FAM184A: variants seen among roughly 807,000 people sequenced by gnomAD.
FAM184A encodes family with sequence similarity 184 member A, also known as protein FAM184A.
A neutral mutation model predicts 143.8 loss-of-function variants in FAM184A; 99 were observed. The ratio of observed to expected loss-of-function variants is 0.69; its 90% CI spans 0.58 to 0.81. FAM184A has a LOEUF of 0.81. Ranked by LOEUF, FAM184A falls within the 40% of genes least tolerant of loss-of-function variation. The pLI is 0.00. For missense variants in FAM184A, 1,217 were observed against 1,310.5 expected (o/e 0.93, Z 1.10); for synonymous variants, 427 against 446.4 (o/e 0.96, Z 0.55).
chr6:119,139,304 G>A (rs79652186), intron 1 of FAM184A, among the ~76,000 whole-genome samples: 1 of 152,154 alleles, frequency 6.6e-6, no homozygotes. Context: ...TTATTAGAAA[G>A]TCAAGTGTCA....
intron 9 of FAM184A, among the ~76,000 whole-genome samples, chr6:118,993,522 G>T (rs1486963459): frequency 6.6e-6 from 1 of 152,048 alleles, no homozygotes; most frequent in Non-Finnish European, 1.5e-5. Context: ...GCTTTTAGAG[G>T]ACAGAAGCCT....
chr6:119,101,424 A>T (rs530168113), intron 1 of FAM184A, among the ~76,000 whole-genome samples: 2 of 152,272 alleles, frequency 1.3e-5, no homozygotes, highest in East Asian at 3.9e-4. Context: ...AGTCCTTGAG[A>T]TAAATATTAT....
intron 16 of FAM184A, 105 bp from the exon 17 acceptor site, chr6:118,962,068 T>G (rs1457343054): frequency 9.5e-7 from 1 of 1,056,846 alleles, no homozygotes; most frequent in Non-Finnish European, 1.4e-6. Flanking sequence ...TTTGGAAGCT[T>G]TATGTTAAAT....
At position 119,028,987 on chromosome 6, in the gene FAM184A, T is replaced by C. The variant is rs376670839; in HGVS notation, c.160-4174A>G. Among the ~76,000 whole-genome samples, 3 of 152,216 alleles carry C rather than the reference T, an allele frequency of 2.0e-5. No individual in the cohort carries two copies. In the East Asian group the frequency reaches 5.8e-4, roughly 29 times the overall value. ...TTTGGTGACCAGAGGTGAGGTGTTA[T>C]GTGTTCTATCCAGTGTAAGGGTAGG... On this transcript the variant is annotated intron_variant, in intron 1 of 17. Transcript: ENST00000338891.
intron 6 of FAM184A, among the ~76,000 whole-genome samples, chr6:119,007,084 G>A (rs1784943493): frequency 6.6e-6 from 1 of 152,146 alleles, no homozygotes; most frequent in Non-Finnish European, 1.5e-5. Context: ...ACTAGAGTAA[G>A]TTATGATTCC....
At chr6:119,013,107 TAA>T (rs11324138) in intron 5 of FAM184A, among the ~76,000 whole-genome samples, 7 of 150,500 alleles carry the variant, frequency 4.7e-5, no homozygotes, top group Admixed American at 6.6e-5. Context: ...GTTACTCTGA[TAA>T]AAAAAAAAAG....
At chr6:119,143,146 G>A (rs1280360913) in intron 1 of FAM184A, among the ~76,000 whole-genome samples, 1 of 152,152 alleles carries the variant, frequency 6.6e-6, no homozygotes, top group East Asian at 1.9e-4. Context: ...AAGGTACCCT[G>A]TTTTTGGTAC....
intron 1 of FAM184A, among the ~76,000 whole-genome samples, chr6:119,027,723 C>G (rs1785707166): frequency 6.6e-6 from 1 of 152,146 alleles, no homozygotes; most frequent in South Asian, 2.1e-4. Flanking sequence ...AACATACATC[C>G]TTGAGTTGTC....
intron 1 of FAM184A, among the ~76,000 whole-genome samples, chr6:119,132,796 G>T (rs1789568927): frequency 6.6e-6 from 1 of 152,200 alleles, no homozygotes; most frequent in Admixed American, 6.5e-5. Flanking sequence ...CTACTTATTA[G>T]CCTGGCTTTG....
At chr6:119,081,988 T>G (rs1381796121), upstream of FAM184A, among the ~76,000 whole-genome samples, 1 of 152,182 alleles carries the variant, frequency 6.6e-6, no homozygotes, top group Non-Finnish European at 1.5e-5. Context: ...GTCTGCCTGC[T>G]AGGGTCCCCA....
Position 118,974,534 on chromosome 6 carries a change from ACT to A in FAM184A, c.2807_2808del (p.Glu936ValfsTer20). ...AGGTGGTCTGCTGTCATGACATCCAACTCTTTTTCAAGTCTCTTGTTTAAATC... is the reference window on the plus strand; with the variant it reads ...AGGTGGTCTGCTGTCATGACATCCAACTTTTTCAAGTCTCTTGTTTAAATC... ...EQDLNKRLEKELDVMTADHLR... is the reference protein window; with the variant it reads ...EQDLNKRLEKXLDVMTADHLR... On this transcript the variant is annotated frameshift_variant, in exon 14 of 18. Coordinates refer to ENST00000338891, the MANE Select transcript of FAM184A (RefSeq NM_024581.6). LOFTEE classifies it high-confidence loss of function. The A allele has an allele frequency of 6.2e-7, 1 of 1,608,732 alleles. No individual in the cohort carries two copies. Among genetic ancestry groups the A allele is most frequent in the South Asian group, 1.1e-5 (1 of 89,796 alleles).
At chr6:119,129,399 G>GTGGT (rs1789466413) in intron 1 of FAM184A, among the ~76,000 whole-genome samples, 1 of 152,216 alleles carries the variant, frequency 6.6e-6, no homozygotes, top group Non-Finnish European at 1.5e-5. Context: ...TGAAGCAGAT[G>GTGGT]TGGTGGGGCT....
At chr6:119,039,980 G>A (rs1786260056) in intron 1 of FAM184A, among the ~76,000 whole-genome samples, 1 of 152,230 alleles carries the variant, frequency 6.6e-6, no homozygotes, top group African/African-American at 2.4e-5. Flanking sequence ...CTCTGCACAT[G>A]CAGGCAGCCC....
chr6:118,960,136 G>A lies in FAM184A; in HGVS notation c.3390C>T (p.Arg1130=), dbSNP rs375450928. ...ASPVASPDPQ[R]QEWFARYFTF is the part of the protein sequence containing the mutation. ...TGAAGTACCGGGCAAACCACTCCTG[G>A]CGCTGGGGATCTGGAGAAGCCACTG... The change falls in exon 18 of 18, where the codon CGC becomes CGT. Residue 1130 remains arginine, a synonymous_variant. Transcript: ENST00000338891. 120 of 1,613,308 alleles carry A rather than the reference G, an allele frequency of 7.4e-5. No individual in the cohort carries two copies. Among genetic ancestry groups the A allele is most frequent in the African/African-American group, 1.2e-4 (9 of 74,876 alleles).
chr6:118,963,657 G>A (rs1783403500), intron 16 of FAM184A: 1 of 152,132 alleles, frequency 6.6e-6, no homozygotes, highest in African/African-American at 2.4e-5. Flanking sequence ...TAGGCATGAC[G>A]TGAAACTTAA....
At chr6:119,130,858 C>CTTTTTTTT (rs67738048) in intron 1 of FAM184A, among the ~76,000 whole-genome samples, 20 of 131,694 alleles carry the variant, frequency 1.5e-4, no homozygotes, top group Non-Finnish European at 2.6e-4. Context: ...TTCTTTTTTT[C>CTTTTTTTT]TTTTTTTTTT....
chr6:119,103,990 C>T (rs1788712439), intron 1 of FAM184A, among the ~76,000 whole-genome samples: 1 of 150,190 alleles, frequency 6.7e-6, no homozygotes, highest in Non-Finnish European at 1.5e-5. Context: ...ATGTATTGTG[C>T]CATATTTTGG....
chr6:119,095,302 A>G (rs534961170), intron 1 of FAM184A, among the ~76,000 whole-genome samples: 11 of 152,328 alleles, frequency 7.2e-5, no homozygotes, highest in Admixed American at 7.2e-4. Context: ...TGTGTTTTAT[A>G]AAACGTGCTG....
chr6:119,132,582 A>T (rs1439265166), intron 1 of FAM184A, among the ~76,000 whole-genome samples: 1 of 152,192 alleles, frequency 6.6e-6, no homozygotes, highest in Non-Finnish European at 1.5e-5. Flanking sequence ...TCATTTGCAA[A>T]TTTTTTTAAA....
Sources: gnomAD v4.1 joint callset for allele counts (sites outside exome capture counted in the v4.1 genomes callset) on GRCh38, gnomAD v4.1.1 for gene constraint, MANE v1.5 for transcripts, NCBI Gene and HGNC (gene_info 2026-07-23, HGNC 2026-07-21) for gene names.